The following AS3MT variants were observed in gnomAD, a reference collection of about 807,000 sequenced individuals.
AS3MT encodes the protein arsenite methyltransferase.
AS3MT carries 47 observed loss-of-function variants against 45.3 expected under a neutral mutation model. The ratio of observed to expected loss-of-function variants is 1.04; its 90% CI spans 0.82 to 1.32. The LOEUF is 1.32. Among genes scored for constraint, AS3MT ranks in the 40% most tolerant of loss-of-function variants. The pLI, the probability that AS3MT is intolerant of heterozygous loss-of-function variation, is 0.00. For missense variants in AS3MT, 396 were observed against 451.1 expected (o/e 0.88, Z 1.11); for synonymous variants, 141 against 152.8 (o/e 0.92, Z 0.57).
Position 102,896,281 on chromosome 10 carries a change from C to T in AS3MT, c.1021-4312C>T, listed in dbSNP as rs552810926. ...CCGGGATGTGGAGGCTGTAGTGAGC[C>T]GTGATCACAACACTGTACCCCAGCC... On this transcript the variant is annotated intron_variant, in intron 10 of 10. Coordinates refer to ENST00000369880, the MANE Select transcript of AS3MT (RefSeq NM_020682.4). Among the ~76,000 whole-genome samples the T allele has an allele frequency of 4.3e-3, 632 of 145,312 alleles. 2 individuals are homozygous for T. The highest frequency in any genetic ancestry group is 0.015 in the African/African-American group (600 of 39,272).
intron 9 of AS3MT, among the ~76,000 whole-genome samples, chr10:102,884,449 C>T (rs1437184165): frequency 1.4e-5 from 2 of 139,302 alleles, no homozygotes; most frequent in African/African-American, 2.6e-5. Flanking sequence ...CTACTCTTCA[C>T]CTCTATGAGT....
At chr10:102,870,754 T>A (rs1442845402) in intron 3 of AS3MT, among the ~76,000 whole-genome samples, 1 of 152,084 alleles carries the variant, frequency 6.6e-6, no homozygotes, top group Non-Finnish European at 1.5e-5. Context: ...CAGTCACCAA[T>A]TTGGAAGGTC....
chr10:102,876,805 A>G, intron 6 of AS3MT, 149 bp from the exon 7 acceptor site: 1 of 732,346 alleles, frequency 1.4e-6, no homozygotes, highest in Non-Finnish European at 2.2e-6. Flanking sequence ...TTGTAACTAA[A>G]GAGGCAGCTG....
At position 102,878,887 on chromosome 10, in the gene AS3MT, A is replaced by G; in HGVS notation, c.781A>G (p.Lys261Glu). 3 of 1,613,714 alleles carry G rather than the reference A, an allele frequency of 1.9e-6. No homozygotes were observed. The highest frequency in any genetic ancestry group is 2.5e-6 in the Non-Finnish European group (3 of 1,179,894). ...TGTTTCTGCAACATTTCGCCTCTTC[A>G]AACACTCTAAGACAGGACCAACCAA... ...RFVSATFRLF[K>E]HSKTGPTKRC... The change falls in exon 9 of 11, where the codon AAA (lysine) becomes GAA (glutamate). Residue 261 changes from lysine (K) to glutamate (E), a missense_variant. By Grantham distance (56) the Lys-to-Glu change is moderately conservative (BLOSUM62 1). Transcript: ENST00000369880.
intron 10 of AS3MT, 82 bp from the exon 11 acceptor site, chr10:102,900,511 C>A: frequency 1.0e-6 from 1 of 1,000,990 alleles, no homozygotes; most frequent in Non-Finnish European, 1.6e-6. Flanking sequence ...GTAAGTCAAC[C>A]TAAATCAAAC....
chr10:102,877,748 C>CTTTT (rs751685577), intron 7 of AS3MT, among the ~76,000 whole-genome samples: 376 of 105,168 alleles, frequency 3.6e-3, no homozygotes, highest in Middle Eastern at 6.0e-3. Context: ...GTGATAACTT[C>CTTTT]TTTTTTTTTT....
At position 102,872,444 on chromosome 10, in the gene AS3MT, C is replaced by T. The variant is rs1468744192; in HGVS notation, c.171-4C>T. 2 of 1,613,422 alleles carry T rather than the reference C, an allele frequency of 1.2e-6. No homozygotes were observed. Among genetic ancestry groups the T allele is most frequent in the Non-Finnish European group, 1.7e-6 (2 of 1,179,822 alleles). On this transcript the variant is annotated splice_region_variant and splice_polypyrimidine_tract_variant and intron_variant, in intron 3 of 10. Coordinates refer to ENST00000369880, the MANE Select transcript of AS3MT (RefSeq NM_020682.4). ...GGAAAAAATATGTGTTTTCCATTTC[C>T]CAGATATTATGGCTGTGGTCTGGTG... is the stretch of plus-strand genomic sequence containing the variant.
Position 102,871,516 on chromosome 10 carries a change from C to T in AS3MT, c.171-932C>T, listed in dbSNP as rs558582761. ...GAGCTGAGTTCGAGCCACTGCACTC[C>T]AGCCTGGGTGACAGGGCAAGACTCC... On this transcript the variant is annotated intron_variant, in intron 3 of 10. Transcript: ENST00000369880. Among the ~76,000 whole-genome samples the T allele has an allele frequency of 1.5e-3, 198 of 130,392 alleles. 1 individual carries two copies. Among genetic ancestry groups the T allele is most frequent in the Non-Finnish European group, 2.3e-3 (150 of 64,674 alleles). The allele number at this position is 130,392 out of a possible 152,430, so 85.5% of individuals were successfully genotyped here.
At chr10:102,884,951 T>C (rs761209857) in intron 9 of AS3MT, among the ~76,000 whole-genome samples, 17 of 152,218 alleles carry the variant, frequency 1.1e-4, no homozygotes, top group Non-Finnish European at 2.2e-4. Flanking sequence ...AACTGGTATA[T>C]CCATCGCCTT....
At chr10:102,898,201 A>T (rs1343928070) in intron 10 of AS3MT, among the ~76,000 whole-genome samples, 1 of 151,838 alleles carries the variant, frequency 6.6e-6, no homozygotes, top group Non-Finnish European at 1.5e-5. Flanking sequence ...GGTATTGCAT[A>T]TACTTAACAT....
intron 10 of AS3MT, among the ~76,000 whole-genome samples, chr10:102,898,774 C>G (rs1023277095): frequency 2.6e-5 from 4 of 152,062 alleles, no homozygotes; most frequent in African/African-American, 9.7e-5. Context: ...TCACAATCAC[C>G]CCTATTATCT....
At chr10:102,898,024 A>G (rs1396632916) in intron 10 of AS3MT, among the ~76,000 whole-genome samples, 1 of 152,210 alleles carries the variant, frequency 6.6e-6, no homozygotes, top group Non-Finnish European at 1.5e-5. Flanking sequence ...TGAAATGGGA[A>G]TAAGTGACAC....
At chr10:102,875,229 T>G (rs1017593085) in intron 6 of AS3MT, among the ~76,000 whole-genome samples, 5 of 151,962 alleles carry the variant, frequency 3.3e-5, no homozygotes, top group Non-Finnish European at 7.4e-5. Context: ...GTAATCCCAG[T>G]GCTGTGGGAG....
chr10:102,900,557 T>A (rs1198398581), intron 10 of AS3MT, 36 bp from the exon 11 acceptor site: 1 of 1,484,070 alleles, frequency 6.7e-7, no homozygotes, highest in Admixed American at 1.7e-5. Context: ...AAAACACCTT[T>A]AACTTGTCCT....
intron 9 of AS3MT, among the ~76,000 whole-genome samples, chr10:102,883,622 AG>A (rs1330711911): frequency 6.6e-6 from 1 of 151,914 alleles, no homozygotes; most frequent in Non-Finnish European, 1.5e-5. Flanking sequence ...CTAAGGCAGG[AG>A]AATCGGCTTG....
intron 9 of AS3MT, among the ~76,000 whole-genome samples, chr10:102,884,550 T>C (rs2134121084): frequency 6.6e-6 from 1 of 151,980 alleles, no homozygotes; most frequent in South Asian, 2.1e-4. Context: ...GGGTTCAACT[T>C]TTTGTTTGTT....
At chr10:102,888,880 TA>T (rs1194864164) in intron 9 of AS3MT, among the ~76,000 whole-genome samples, 742 of 27,644 alleles carry the variant, frequency 0.027, 7 homozygotes, top group Non-Finnish European at 0.03. Context: ...TATATATATA[TA>T]TTTTTTTTTT....
At chr10:102,885,066 C>A (rs1387064720) in intron 9 of AS3MT, among the ~76,000 whole-genome samples, 1 of 152,100 alleles carries the variant, frequency 6.6e-6, no homozygotes, top group Non-Finnish European at 1.5e-5. Context: ...CCCTACTGAT[C>A]CATCGAACAC....
chr10:102,890,385 AC>A (rs1845049484), intron 9 of AS3MT, among the ~76,000 whole-genome samples, 158 bp from the exon 10 acceptor site: 1 of 152,132 alleles, frequency 6.6e-6, no homozygotes, highest in Admixed American at 6.6e-5. Context: ...GAATCTCCAT[AC>A]TGTTTCCCAT....
Sources: allele counts gnomAD v4.1 joint callset (sites outside exome capture counted in the v4.1 genomes callset), GRCh38; gene constraint gnomAD v4.1.1; transcripts MANE v1.5; gene names NCBI Gene and HGNC (gene_info 2026-07-23, HGNC 2026-07-21).